PTPRD: variants seen among roughly 807,000 people sequenced by gnomAD.
The protein encoded by PTPRD is protein tyrosine phosphatase receptor type D, also known as receptor-type tyrosine-protein phosphatase delta.
Under a neutral mutation model 214.5 loss-of-function variants are expected in PTPRD, and 34 were observed. That is an observed-to-expected ratio of 0.16 (90% CI 0.12 to 0.21). The LOEUF is 0.21. Among genes scored for constraint, PTPRD ranks in the 10% least tolerant of loss-of-function variants. The probability of loss-of-function intolerance (pLI) is 1.00; values close to 1 mark genes in which losing one functional copy is unlikely to be tolerated. For missense variants in PTPRD, 2,545 were observed against 2,398.7 expected, an observed-to-expected ratio of 1.06 and a Z score of -1.27; for synonymous variants, 1,128 against 845.7, an observed-to-expected ratio of 1.33 and a Z score of -5.79.
chr9:10,047,313 TGTGTGTGTGTGTGTGTGTGTGTGTGC>T (rs1259693354), intron 3 of PTPRD, among the ~76,000 whole-genome samples: 5 of 32,626 alleles, frequency 1.5e-4, no homozygotes, highest in African/African-American at 5.6e-4. Context: ...ATCAACTAAC[TGTGTGTGTGTGTGTGTGTGTGTGTGC>T]GTGTGTGTGT....
chr9:9,807,571 G>A (rs1313049795), intron 5 of PTPRD, among the ~76,000 whole-genome samples: 1 of 152,124 alleles, frequency 6.6e-6, no homozygotes. Context: ...ACTGATGCTT[G>A]CAGCTACAGC....
At chr9:10,442,241 T>C (rs1426674136) in intron 2 of PTPRD, among the ~76,000 whole-genome samples, 2 of 151,722 alleles carry the variant, frequency 1.3e-5, no homozygotes, top group South Asian at 2.1e-4. Context: ...TATTTAATTA[T>C]TTCTTTCCAA....
At chr9:9,570,755 T>C (rs1271693295) in intron 8 of PTPRD, among the ~76,000 whole-genome samples, 2 of 151,444 alleles carry the variant, frequency 1.3e-5, no homozygotes, top group African/African-American at 4.8e-5. Context: ...CAATATTTCA[T>C]CATGTTTGGC....
chr9:9,217,880 G>T (rs181260481), intron 9 of PTPRD, among the ~76,000 whole-genome samples: 33 of 152,136 alleles, frequency 2.2e-4, no homozygotes, highest in African/African-American at 7.5e-4. Context: ...AAGCCTTCTT[G>T]GTCCCCTGCT....
At chr9:9,722,703 A>G (rs1424900414) in intron 7 of PTPRD, among the ~76,000 whole-genome samples, 4 of 152,032 alleles carry the variant, frequency 2.6e-5, no homozygotes, top group Non-Finnish European at 4.4e-5. Context: ...AACAATTCCA[A>G]TTCCTCCACA....
At chr9:9,238,670 C>G (rs1052780718) in intron 9 of PTPRD, among the ~76,000 whole-genome samples, 5 of 152,214 alleles carry the variant, frequency 3.3e-5, no homozygotes, top group African/African-American at 1.2e-4. Flanking sequence ...GGCTAGTTGA[C>G]ATTAGGTCAC....
At chr9:9,506,226 T>A (rs1459447779) in intron 8 of PTPRD, among the ~76,000 whole-genome samples, 3 of 151,436 alleles carry the variant, frequency 2.0e-5, no homozygotes, top group African/African-American at 7.3e-5. Flanking sequence ...ATGTTTATTA[T>A]ACATTGCTTT....
At chr9:10,421,749 G>A (rs570414865) in intron 2 of PTPRD, among the ~76,000 whole-genome samples, 18 of 151,552 alleles carry the variant, frequency 1.2e-4, no homozygotes, top group South Asian at 4.1e-4. Flanking sequence ...TGTTATTTTC[G>A]TTTACTTTAT....
At chr9:8,781,357 T>C (rs555094863) in intron 11 of PTPRD, among the ~76,000 whole-genome samples, 35 of 152,218 alleles carry the variant, frequency 2.3e-4, no homozygotes, top group Non-Finnish European at 4.0e-4. Flanking sequence ...ATTAATCCAT[T>C]TGAGTGAAAA....
chr9:9,355,035 A>G (rs1366157901), intron 9 of PTPRD, among the ~76,000 whole-genome samples: 1 of 151,728 alleles, frequency 6.6e-6, no homozygotes, highest in Non-Finnish European at 1.5e-5. Context: ...AAGTTGGTGG[A>G]GGATGGTAAC....
At chr9:10,074,561 T>A (rs2098098574) in intron 3 of PTPRD, among the ~76,000 whole-genome samples, 1 of 152,118 alleles carries the variant, frequency 6.6e-6, no homozygotes, top group African/African-American at 2.4e-5. Flanking sequence ...AAAAAAATAA[T>A]GCACAGACAC....
chr9:10,357,323 G>GA (rs1202125771), intron 2 of PTPRD, among the ~76,000 whole-genome samples: 7 of 152,074 alleles, frequency 4.6e-5, no homozygotes, highest in African/African-American at 1.7e-4. Flanking sequence ...CTCTTTACTA[G>GA]AAAAAACTAT....
At chr9:8,988,897 G>A (rs2099355755) in intron 11 of PTPRD, among the ~76,000 whole-genome samples, 2 of 152,080 alleles carry the variant, frequency 1.3e-5, no homozygotes, top group Admixed American at 1.3e-4. Flanking sequence ...TCATTCAGAA[G>A]AAAATTGGCA....
chr9:8,366,895 A>C (rs1280393861), intron 39 of PTPRD, among the ~76,000 whole-genome samples: 2 of 152,254 alleles, frequency 1.3e-5, no homozygotes, highest in Non-Finnish European at 2.9e-5. Context: ...GAGAGGACAA[A>C]GATTTAATGC....
intron 2 of PTPRD, among the ~76,000 whole-genome samples, chr9:10,427,769 G>C (rs1413209269): frequency 6.6e-6 from 1 of 151,954 alleles, no homozygotes; most frequent in Non-Finnish European, 1.5e-5. Flanking sequence ...CACTGGGGTG[G>C]AAAATGTTTG....
chr9:10,343,869 G>T lies in PTPRD; in HGVS notation c.-599-2852C>A, dbSNP rs545697686. ...ATTTGTTTGAGCTCTTCGTTTTCTTGTAAATTTGTTTGAGCTCTTCGTAGA... is the reference window on the plus strand; with the variant it reads ...ATTTGTTTGAGCTCTTCGTTTTCTTTTAAATTTGTTTGAGCTCTTCGTAGA... On this transcript the variant is annotated intron_variant, in intron 2 of 45. Transcript: ENST00000381196. Among the ~76,000 whole-genome samples, 3 of 149,126 alleles carry T rather than the reference G, an allele frequency of 2.0e-5. No homozygotes were observed. In the South Asian group the frequency reaches 6.4e-4, roughly 32 times the overall value.
chr9:9,420,159 A>G (rs532683811), intron 8 of PTPRD, among the ~76,000 whole-genome samples: 1 of 151,770 alleles, frequency 6.6e-6, no homozygotes, highest in African/African-American at 2.4e-5. Flanking sequence ...AATTATCAAC[A>G]GATTAATCAC....
chr9:10,296,972 T>G (rs1427052268), intron 3 of PTPRD, among the ~76,000 whole-genome samples: 1 of 151,726 alleles, frequency 6.6e-6, no homozygotes, highest in East Asian at 1.9e-4. Flanking sequence ...AAGAAGAGTT[T>G]GACAATGCCC....
chr9:8,393,939 T>C (rs1338943754), intron 36 of PTPRD, among the ~76,000 whole-genome samples: 1 of 152,086 alleles, frequency 6.6e-6, no homozygotes, highest in Admixed American at 6.6e-5. Context: ...AACCTGGCTG[T>C]TAATGCAAGC....
Sources: allele counts gnomAD v4.1 joint callset (sites outside exome capture counted in the v4.1 genomes callset), GRCh38; gene constraint gnomAD v4.1.1; transcripts MANE v1.5; gene names NCBI Gene and HGNC (gene_info 2026-07-23, HGNC 2026-07-21).